Variants in GPRC6A observed in about 807,000 individuals in gnomAD.
The protein encoded by GPRC6A is G protein-coupled receptor class C group 6 member A.
A neutral mutation model predicts 47.0 loss-of-function variants in GPRC6A; 54 were observed. That is an observed-to-expected ratio of 1.15 (90% confidence interval 0.92 to 1.44). The LOEUF is 1.44. Ranked by LOEUF, GPRC6A falls within the 40% of genes most tolerant of loss-of-function variation. The pLI is 0.00. For missense variants in GPRC6A, 1,112 were observed against 1,105.5 expected (o/e 1.01, Z -0.08); for synonymous variants, 347 against 377.1 (o/e 0.92, Z 0.93).
chr6:116,820,501 T>G (rs982244280), intron 1 of GPRC6A, among the ~76,000 whole-genome samples: 9 of 151,144 alleles, frequency 6.0e-5, no homozygotes, highest in Non-Finnish European at 1.2e-4. Context: ...ATCAAAAAGC[T>G]TATCCACCAT....
At chr6:116,794,832 T>C (rs1772425880) in intron 5 of GPRC6A, among the ~76,000 whole-genome samples, 1 of 152,144 alleles carries the variant, frequency 6.6e-6, no homozygotes, top group East Asian at 1.9e-4. Context: ...GTTTTGATAC[T>C]CTCAGGTTGG....
intron 1 of GPRC6A, among the ~76,000 whole-genome samples, chr6:116,816,538 G>T (rs538612426): frequency 6.6e-6 from 1 of 152,366 alleles, no homozygotes; most frequent in African/African-American, 2.4e-5. Context: ...GAGGAGCCAA[G>T]ATGGCCGAAT....
chr6:116,827,293 A>G (rs777004384), intron 1 of GPRC6A, among the ~76,000 whole-genome samples: 3 of 152,052 alleles, frequency 2.0e-5, no homozygotes, highest in Non-Finnish European at 4.4e-5. Flanking sequence ...CTAAGCATAT[A>G]ACAAAATACC....
chr6:116,816,705 C>T (rs1351066329), intron 1 of GPRC6A, among the ~76,000 whole-genome samples: 13 of 152,212 alleles, frequency 8.5e-5, no homozygotes, highest in South Asian at 2.1e-4. Context: ...CGAAGCAGGG[C>T]GAGGCATTGC....
intron 1 of GPRC6A, among the ~76,000 whole-genome samples, chr6:116,818,506 C>T (rs1406337062): frequency 1.1e-5 from 1 of 93,094 alleles, no homozygotes; most frequent in Non-Finnish European, 2.1e-5. Context: ...TGCACTCCAG[C>T]CTGGGCGACA....
At chr6:116,802,839 A>T (rs1019092334) in intron 3 of GPRC6A, among the ~76,000 whole-genome samples, 2 of 152,120 alleles carry the variant, frequency 1.3e-5, no homozygotes, top group Non-Finnish European at 2.9e-5. Context: ...TTTAAGGAAG[A>T]TGAGTCCTGT....
chr6:116,807,709 T>C (rs1562482570), intron 2 of GPRC6A, among the ~76,000 whole-genome samples: 1 of 152,188 alleles, frequency 6.6e-6, no homozygotes, highest in Non-Finnish European at 1.5e-5. Context: ...AGCTTTTTGG[T>C]CATATATAGT....
At chr6:116,822,619 C>G (rs971738272) in intron 1 of GPRC6A, among the ~76,000 whole-genome samples, 16 of 144,770 alleles carry the variant, frequency 1.1e-4, no homozygotes, top group African/African-American at 4.1e-4. Flanking sequence ...GAACAAAAAA[C>G]CAAACACCGC....
intron 3 of GPRC6A, among the ~76,000 whole-genome samples, chr6:116,804,759 C>T (rs1460210558): frequency 6.6e-6 from 1 of 152,026 alleles, no homozygotes; most frequent in East Asian, 1.9e-4. Flanking sequence ...ATTTAAAATA[C>T]TTTCTCTATT....
intron 1 of GPRC6A, among the ~76,000 whole-genome samples, chr6:116,810,795 T>C (rs907580142): frequency 1.3e-5 from 2 of 152,056 alleles, no homozygotes; most frequent in African/African-American, 4.8e-5. Flanking sequence ...ACAATTTCAA[T>C]TAAAAAAGAG....
rs139961413 is a variant in GPRC6A at position 116,792,812 on chromosome 6, G to A, written c.2111C>T (p.Pro704Leu). ...CGTGCAAGTGAAGATAATAAGGATCGGTCTATAGAGGCACTTCAGAAATTT... is the reference window on the plus strand; with the variant it reads ...CGTGCAAGTGAAGATAATAAGGATCAGTCTATAGAGGCACTTCAGAAATTT... ...LQKFLKCLYR[P>L]ILIIFTCTGI... is the part of the protein sequence containing the mutation. Residue 704 changes from proline (P) to leucine (L), a missense_variant, in exon 6 of 6, where the codon CCG becomes CTG. Coordinates refer to ENST00000310357, the MANE Select transcript of GPRC6A (RefSeq NM_148963.4). 17 of 1,613,866 alleles carry A rather than the reference G, an allele frequency of 1.1e-5. No individual in the cohort carries two copies. The African/African-American group carries it at 1.5e-4, about 14-fold the overall frequency.
At chr6:116,826,297 C>G (rs1397902288) in intron 1 of GPRC6A, among the ~76,000 whole-genome samples, 1 of 151,778 alleles carries the variant, frequency 6.6e-6, no homozygotes, top group Non-Finnish European at 1.5e-5. Flanking sequence ...CATCCAACAA[C>G]AGACTAATAT....
intron 4 of GPRC6A, among the ~76,000 whole-genome samples, chr6:116,797,451 A>G (rs1184774383): frequency 6.6e-6 from 1 of 152,204 alleles, no homozygotes; most frequent in Non-Finnish European, 1.5e-5. Context: ...AGAAATGTCA[A>G]TACCCTAACT....
At chr6:116,818,352 G>A (rs1328783009) in intron 1 of GPRC6A, among the ~76,000 whole-genome samples, 1 of 149,742 alleles carries the variant, frequency 6.7e-6, no homozygotes, top group African/African-American at 2.4e-5. Context: ...GGCTAACACG[G>A]TGAAACCCTG....
chr6:116,815,200 C>T (rs79985234), intron 1 of GPRC6A, among the ~76,000 whole-genome samples: 2,602 of 152,140 alleles, frequency 0.017, 78 homozygotes, highest in African/African-American at 0.057. Flanking sequence ...AACAAACTTA[C>T]GACCAGGCAT....
chr6:116,800,380 CCTCT>C lies in GPRC6A; in HGVS notation c.1548+200_1548+203del, dbSNP rs763028602. ...CTTTCTCTCTCTCCCTCCCTCCCTC[CCTCT>C]CTCTCTCTCTTTCTTTCTTTCTTTT... On this transcript the variant is annotated intron_variant, in intron 4 of 5. Transcript: ENST00000310357. Among the ~76,000 whole-genome samples, 104 of 145,858 alleles carry C rather than the reference CCTCT, an allele frequency of 7.1e-4. 1 individual carries two copies. Among genetic ancestry groups the C allele is most frequent in the Non-Finnish European group, 4.8e-4 (32 of 66,196 alleles).
chr6:116,807,234 T>A (rs1772879502), intron 2 of GPRC6A, 28 bp from the exon 3 acceptor site: 1 of 1,383,716 alleles, frequency 7.2e-7, no homozygotes, highest in African/African-American at 1.4e-5. Flanking sequence ...ATTTTAGTTA[T>A]GGTGTTGATG....
chr6:116,810,932 A>G (rs959976120), intron 1 of GPRC6A, among the ~76,000 whole-genome samples: 2 of 152,082 alleles, frequency 1.3e-5, no homozygotes, highest in African/African-American at 4.8e-5. Flanking sequence ...CCAAGAAATC[A>G]CCAACCTGCT....
Position 116,800,632 on chromosome 6 carries a change from G to T in GPRC6A, c.1500C>A (p.Val500=), listed in dbSNP as rs1451005304. The T allele has an allele frequency of 6.2e-7, 1 of 1,613,436 alleles. No homozygotes were observed. The highest frequency in any genetic ancestry group is 1.7e-5 in the Admixed American group (1 of 59,962). Residue 500 remains valine (V), a synonymous_variant, in exon 4 of 6, where the codon GTC becomes GTA. Transcript: ENST00000310357. The part of the protein sequence containing the change: ...KMAEYDLQND[V]FIIPDQETKN... ...TTGTTTCCTGATCTGGGATGATGAA[G>T]ACATCATTCTGTAGGTCATATTCTG...
Sources: gnomAD v4.1 joint callset for allele counts (sites outside exome capture counted in the v4.1 genomes callset) on GRCh38, gnomAD v4.1.1 for gene constraint, MANE v1.5 for transcripts, NCBI Gene and HGNC (gene_info 2026-07-23, HGNC 2026-07-21) for gene names.